The following JARID2 variants were observed in gnomAD, a reference collection of about 807,000 sequenced individuals.
JARID2 encodes the protein protein Jumonji.
Under a neutral mutation model 125.6 loss-of-function variants are expected in JARID2, and 21 were observed. The ratio of observed to expected loss-of-function variants is 0.17; its 90% CI spans 0.12 to 0.24. JARID2 has a LOEUF of 0.24. Ranked by LOEUF, JARID2 falls within the 10% of genes least tolerant of loss-of-function variation. The pLI is 1.00. For synonymous variants in JARID2, 736 were observed against 661.6 expected (o/e 1.11, Z -1.73); for missense variants, 1,303 against 1,639.6 (o/e 0.79, Z 3.55).
intron 1 of JARID2, among the ~76,000 whole-genome samples, chr6:15,300,323 C>T (rs73726512): frequency 0.011 from 1,725 of 152,250 alleles, 15 homozygotes; most frequent in African/African-American, 0.027. Context: ...AGGTGTATAA[C>T]AATACATGTG....
intron 1 of JARID2, among the ~76,000 whole-genome samples, chr6:15,275,058 T>A (rs1012917190): frequency 6.6e-6 from 1 of 152,196 alleles, no homozygotes; most frequent in Non-Finnish European, 1.5e-5. Flanking sequence ...AACCTCTGTT[T>A]TGTTGGGTTA....
At chr6:15,332,998 C>T (rs1762767142) in intron 1 of JARID2, among the ~76,000 whole-genome samples, 1 of 126,282 alleles carries the variant, frequency 7.9e-6, no homozygotes, top group African/African-American at 3.0e-5. Context: ...GTGGCCCCAT[C>T]TCTGCTAACT....
chr6:15,298,829 C>A (rs922603109), intron 1 of JARID2, among the ~76,000 whole-genome samples: 8 of 152,110 alleles, frequency 5.3e-5, no homozygotes, highest in Middle Eastern at 3.4e-3. Flanking sequence ...TTTTTACTCT[C>A]CATACTCAGT....
rs370485500 is a variant in JARID2 at position 15,384,371 on chromosome 6, A to ATTT, written c.181+10134_181+10136dup. ...AAGCCACTGTGCCTGGCCCACTTTG[A>ATTT]TTTTTTTTTTTTTTTTTGGATAGGC... On this transcript the variant is annotated intron_variant, in intron 2 of 17. Transcript: ENST00000341776. 8.5e-4 allele frequency among the ~76,000 whole-genome samples: 115 copies of ATTT among 135,400 alleles called. No individual in the cohort carries two copies. The Middle Eastern group carries it at 0.011, about 13-fold the overall frequency. 88.8% of individuals were successfully genotyped at this position (135,400 alleles called of 152,430 possible). A position where few individuals can be genotyped will look rare whatever the true frequency, so the allele number is the denominator to read the frequency against.
chr6:15,282,052 C>A (rs1262686817), intron 1 of JARID2, among the ~76,000 whole-genome samples: 1 of 151,862 alleles, frequency 6.6e-6, no homozygotes, highest in African/African-American at 2.4e-5. Context: ...CGAGTTCAGA[C>A]CATTCTTGTG....
At chr6:15,340,620 TTC>T (rs1312174659) in intron 1 of JARID2, among the ~76,000 whole-genome samples, 19 of 152,234 alleles carry the variant, frequency 1.2e-4, no homozygotes, top group African/African-American at 4.3e-4. Flanking sequence ...CAGACTTTTA[TTC>T]ATTCATTCCT....
At chr6:15,453,446 T>C (rs977561131) in intron 4 of JARID2, among the ~76,000 whole-genome samples, 2 of 152,190 alleles carry the variant, frequency 1.3e-5, no homozygotes, top group Admixed American at 6.5e-5. Context: ...TCCTCCTCCT[T>C]GTTGTTGGGT....
At chr6:15,249,385 TG>T (rs963072338) in intron 1 of JARID2, among the ~76,000 whole-genome samples, 1 of 152,044 alleles carries the variant, frequency 6.6e-6, no homozygotes, top group Non-Finnish European at 1.5e-5. Flanking sequence ...ACTGTTATTT[TG>T]GGGGGCTGGA....
intron 3 of JARID2, among the ~76,000 whole-genome samples, chr6:15,422,377 T>C (rs1376998970): frequency 6.6e-6 from 1 of 152,194 alleles, no homozygotes; most frequent in Non-Finnish European, 1.5e-5. Context: ...GAGGGAAGTT[T>C]GTATTTCACG....
At chr6:15,294,208 G>T (rs559148449) in intron 1 of JARID2, among the ~76,000 whole-genome samples, 4 of 151,602 alleles carry the variant, frequency 2.6e-5, no homozygotes, top group Admixed American at 2.6e-4. Flanking sequence ...TTCTTTTTTT[G>T]AGATGGAGTC....
At chr6:15,359,576 T>A (rs1763720731) in intron 1 of JARID2, among the ~76,000 whole-genome samples, 1 of 152,058 alleles carries the variant, frequency 6.6e-6, no homozygotes, top group Admixed American at 6.5e-5. Context: ...CTTATTTGCA[T>A]TGAAAGCCTA....
At chr6:15,411,316 A>G (rs1581521339) in intron 3 of JARID2, among the ~76,000 whole-genome samples, 2 of 152,378 alleles carry the variant, frequency 1.3e-5, no homozygotes, top group East Asian at 1.9e-4. Context: ...AAAGGACAAG[A>G]TTAGCCATGT....
At chr6:15,489,699 A>C (rs954661378) in intron 6 of JARID2, among the ~76,000 whole-genome samples, 5 of 152,234 alleles carry the variant, frequency 3.3e-5, no homozygotes, top group African/African-American at 1.2e-4. Context: ...TGCAGGAAAG[A>C]GGTCCTGGGG....
chr6:15,252,767 G>A (rs181379943), intron 1 of JARID2, among the ~76,000 whole-genome samples: 2 of 151,258 alleles, frequency 1.3e-5, no homozygotes, highest in African/African-American at 2.4e-5. Context: ...TTTTTTTTCC[G>A]TCCTCCAGAT....
intron 1 of JARID2, among the ~76,000 whole-genome samples, chr6:15,360,694 G>A (rs1763762536): frequency 6.6e-6 from 1 of 151,972 alleles, no homozygotes; most frequent in African/African-American, 2.4e-5. Context: ...TAGAGATGAG[G>A]GTCTCTTGCT....
intron 1 of JARID2, among the ~76,000 whole-genome samples, chr6:15,249,178 A>G (rs1759337269): frequency 6.6e-6 from 1 of 152,210 alleles, no homozygotes; most frequent in Non-Finnish European, 1.5e-5. Context: ...ATTCAGGGAA[A>G]GCTGTGCTTT....
chr6:15,488,160 G>A (rs1023059059), intron 6 of JARID2, among the ~76,000 whole-genome samples: 5 of 152,166 alleles, frequency 3.3e-5, no homozygotes, highest in East Asian at 3.9e-4. Context: ...CCCCCCACCC[G>A]CTATCCCCCA....
intron 1 of JARID2, among the ~76,000 whole-genome samples, chr6:15,263,070 GTGTT>G (rs925793028): frequency 4.2e-5 from 5 of 118,248 alleles, no homozygotes; most frequent in African/African-American, 8.3e-5. Flanking sequence ...TGGAGGGTGT[GTGTT>G]TGTGTGTGTG....
chr6:15,434,704 TA>T (rs1292579520), intron 3 of JARID2, among the ~76,000 whole-genome samples: 2 of 152,246 alleles, frequency 1.3e-5, no homozygotes, highest in Non-Finnish European at 2.9e-5. Flanking sequence ...CTCAAGTCAC[TA>T]AATACCCTTC....
Sources: allele counts gnomAD v4.1 joint callset (sites outside exome capture counted in the v4.1 genomes callset), GRCh38; gene constraint gnomAD v4.1.1; transcripts MANE v1.5; gene names NCBI Gene and HGNC (gene_info 2026-07-23, HGNC 2026-07-21).